The following MAP9 variants were observed in gnomAD, a reference collection of about 807,000 sequenced individuals.
The protein encoded by MAP9 is microtubule associated protein 9, also known as microtubule-associated protein 9.
MAP9 carries 80 observed loss-of-function variants against 75.2 expected under a neutral mutation model. The observed-to-expected ratio is 1.06, with a 90% confidence interval of 0.89 to 1.28. The LOEUF is 1.28. Ranked by LOEUF, MAP9 falls within the 50% of genes most tolerant of loss-of-function variation. The probability of loss-of-function intolerance (pLI) is 0.00; values close to 1 mark genes in which losing one functional copy is unlikely to be tolerated. For synonymous variants in MAP9, 235 were observed against 237.3 expected (o/e 0.99, Z 0.09); for missense variants, 753 against 719.9 (o/e 1.05, Z -0.53).
chr4:155,353,365 GATATAC>G (rs1731611877), intron 10 of MAP9, 25 bp from the exon 11 acceptor site: 1 of 1,524,718 alleles, frequency 6.6e-7, no homozygotes, highest in South Asian at 1.3e-5. Flanking sequence ...ATAATAGAGT[GATATAC>G]ATATATATGT....
rs1441008219 is a variant in MAP9 at position 155,343,437 on chromosome 4, T to C, written c.*4346A>G. ...AACTGGGAACATGGGTGACTTTTGC[T>C]TATTTGCATTTTCTAATTATTTAAT... On this transcript the variant is annotated 3_prime_UTR_variant, in exon 14 of 14. Transcript: ENST00000311277. The C allele has an allele frequency of 2.0e-5, 3 of 151,562 alleles. No individual in the cohort carries two copies. Among genetic ancestry groups the C allele is most frequent in the Non-Finnish European group, 4.4e-5 (3 of 67,736 alleles). 9.4% of individuals were successfully genotyped at this position (151,562 alleles called of 1,614,324 possible).
At position 155,353,317 on chromosome 4, in the gene MAP9, T is replaced by C. The variant is rs535909213; in HGVS notation, c.1404A>G (p.Glu468=). Residue 468 remains glutamate (E), a synonymous_variant, in exon 11 of 14, where the codon GAA becomes GAG. Transcript: ENST00000311277. ...NEQKKAAKRE[E]ALASFEAWKA... is the part of the protein sequence containing the mutation. ...TCCAGGCCTCAAATGATGCTAATGC[T>C]TCTTCTCTTTTAGCAGCTTTTTTCT... 2 of 1,577,150 alleles carry C rather than the reference T, an allele frequency of 1.3e-6. No individual in the cohort carries two copies. The highest frequency in any genetic ancestry group is 2.0e-5 in the Admixed American group (1 of 50,902).
chr4:155,352,652 T>C lies in MAP9; in HGVS notation c.1765A>G (p.Arg589Gly), dbSNP rs765729146. The C allele has an allele frequency of 6.5e-7, 1 of 1,547,924 alleles. No homozygotes were observed. Among genetic ancestry groups the C allele is most frequent in the Non-Finnish European group, 8.8e-7 (1 of 1,134,016 alleles). Residue 589 changes from arginine to glycine, a missense_variant, in exon 13 of 14, where the codon AGA becomes GGA. Arg to Gly is a moderately radical substitution (Grantham distance 125). Transcript: ENST00000311277. ...INEKRKEELK[R>G]AEKKDKDKQA... is the part of the protein sequence containing the mutation. The stretch of plus-strand genomic sequence containing the variant: ...TTATCTTTATCTTTTTTCTCAGCTC[T>C]TTTCAGTTCTTCCTTTCTTTTCTCA...
At chr4:155,364,629 TAA>T (rs1732243300) in intron 5 of MAP9, among the ~76,000 whole-genome samples, 1 of 149,794 alleles carries the variant, frequency 6.7e-6, no homozygotes, top group African/African-American at 2.4e-5. Context: ...TTTAATTTTT[TAA>T]AAGTCTAATA....
chr4:155,368,798 G>C lies in MAP9; in HGVS notation c.496C>G (p.Leu166Val). 1 of 1,604,662 alleles carries C rather than the reference G, an allele frequency of 6.2e-7. No individual in the cohort carries two copies. Among genetic ancestry groups the C allele is most frequent in the South Asian group, 1.1e-5 (1 of 89,010 alleles). ...GGTTTAAAGTGATCATCTGTGTCAA[G>C]GCTGTTGTTTTCTGCTGAAAAATAA... ...KSTSSAENNS[L>V]DTDDHFKPSP... is the part of the protein sequence containing the mutation. The change falls in exon 5 of 14, where the codon CTT becomes GTT. Residue 166 changes from leucine (L) to valine (V), a missense_variant. Coordinates refer to ENST00000311277, the MANE Select transcript of MAP9 (RefSeq NM_001039580.2).
chr4:155,365,639 T>C (rs1304157566), intron 5 of MAP9, among the ~76,000 whole-genome samples: 1 of 152,040 alleles, frequency 6.6e-6, no homozygotes, highest in South Asian at 2.1e-4. Context: ...TTTTAAAAAT[T>C]TGAAATCATG....
intron 8 of MAP9, among the ~76,000 whole-genome samples, chr4:155,356,881 A>T (rs1396210088): frequency 6.6e-6 from 1 of 152,172 alleles, no homozygotes; most frequent in African/African-American, 2.4e-5. Context: ...AAAGATTCAG[A>T]AGGTTTTTGA....
intron 5 of MAP9, among the ~76,000 whole-genome samples, chr4:155,366,854 C>T (rs1002512446): frequency 2.9e-4 from 44 of 152,156 alleles, no homozygotes; most frequent in African/African-American, 1.0e-3. Context: ...GATAATTGTA[C>T]TGGTGAATCC....
chr4:155,362,093 C>T lies in MAP9; in HGVS notation c.757G>A (p.Gly253Arg), dbSNP rs535143534. The change falls in exon 6 of 14, where the codon GGA (glycine) becomes AGA (arginine). Residue 253 changes from glycine to arginine, a missense_variant. Gly to Arg is a moderately radical substitution (Grantham distance 125). Coordinates refer to ENST00000311277, the MANE Select transcript of MAP9 (RefSeq NM_001039580.2). ...TCAGATCCTGGTGAAAAAGAATCTC[C>T]AAGAATTTGTTTAAGTGATGATGAT... ...LASSSLKQILGDSFSPGSEGN... is the reference protein window; with the variant it reads ...LASSSLKQILRDSFSPGSEGN... 9 of 1,598,396 alleles carry T rather than the reference C, an allele frequency of 5.6e-6. No individual in the cohort carries two copies. Among genetic ancestry groups the T allele is most frequent in the Admixed American group, 5.4e-5 (3 of 55,504 alleles).
intron 4 of MAP9, among the ~76,000 whole-genome samples, chr4:155,371,716 GTT>G (rs1233164858): frequency 7.2e-6 from 1 of 139,552 alleles, no homozygotes. Context: ...CCCACCACAG[GTT>G]TTTTTTTTTT....
At chr4:155,373,522 T>A in intron 3 of MAP9, 66 bp from the exon 4 acceptor site, 1 of 1,079,508 alleles carries the variant, frequency 9.3e-7, no homozygotes. Flanking sequence ...TACGTTAACT[T>A]AATCAAAGTT....
At position 155,345,193 on chromosome 4, in the gene MAP9, C is replaced by T. The variant is rs971090065; in HGVS notation, c.*2590G>A. ...TAAACAACAGTACTGTATTTTCACC[C>T]ACCTCCCCGAACTCAGCTTTATTTG... On this transcript the variant is annotated 3_prime_UTR_variant, in exon 14 of 14. Transcript: ENST00000311277. 4 of 151,962 alleles carry T rather than the reference C, an allele frequency of 2.6e-5. No individual in the cohort carries two copies. Among genetic ancestry groups the T allele is most frequent in the South Asian group, 4.1e-4 (2 of 4,834 alleles). 9.4% of individuals were successfully genotyped at this position (151,962 alleles called of 1,614,324 possible). A position where few individuals can be genotyped will look rare whatever the true frequency, so the allele number is the denominator to read the frequency against.
chr4:155,353,361 G>C (rs1338432839), intron 10 of MAP9, 21 bp from the exon 11 acceptor site: 19 of 1,542,614 alleles, frequency 1.2e-5, no homozygotes, highest in Non-Finnish European at 1.6e-5. Context: ...AAAAATAATA[G>C]AGTGATATAC....
intron 5 of MAP9, chr4:155,362,706 C>T (rs564681077): frequency 6.6e-6 from 1 of 152,310 alleles, no homozygotes; most frequent in South Asian, 2.1e-4. Flanking sequence ...TTATATTTGT[C>T]TATCTAAGGT....
Position 155,369,629 on chromosome 4 carries a change from T to C in MAP9, c.482-817A>G, listed in dbSNP as rs969154931. ...TGTCCAGGTACTTTACAGGTTGATT[T>C]TTCTAAACAAAATTACAAGACTAGA... On this transcript the variant is annotated intron_variant, in intron 4 of 13. Transcript: ENST00000311277. 7.2e-4 allele frequency among the ~76,000 whole-genome samples: 110 copies of C among 152,222 alleles called. 1 individual carries two copies. The highest frequency in any genetic ancestry group is 3.4e-3 in the Middle Eastern group (1 of 294).
intron 4 of MAP9, among the ~76,000 whole-genome samples, chr4:155,370,327 C>A: frequency 6.6e-6 from 1 of 152,208 alleles, no homozygotes; most frequent in East Asian, 1.9e-4. Flanking sequence ...CAAAATTATT[C>A]AATGGCTCCC....
intron 5 of MAP9, chr4:155,363,280 T>C (rs1212839164): frequency 6.6e-6 from 1 of 152,086 alleles, no homozygotes; most frequent in East Asian, 1.9e-4. Flanking sequence ...AGCCATGATA[T>C]CCACTTGCTA....
chr4:155,359,621 T>C (rs756577240), intron 7 of MAP9, among the ~76,000 whole-genome samples: 2 of 151,950 alleles, frequency 1.3e-5, no homozygotes, highest in Non-Finnish European at 2.9e-5. Context: ...CCTCTGGAGG[T>C]TGCCAGGGCA....
rs1041440546 is a variant in MAP9, at chr4:155,362,065, C to T, written c.785G>A (p.Gly262Glu). ...LGDSFSPGSE[G>E]NASGKDPNEE... ...ATAACCACCTTTTCCAGATGCGTTT[C>T]CCTCAGATCCTGGTGAAAAAGAATC... The change falls in exon 6 of 14, where the codon GGA (glycine) becomes GAA (glutamate). Residue 262 changes from glycine to glutamate, a missense_variant. Transcript: ENST00000311277. 9.4e-6 allele frequency: 15 copies of T among 1,598,092 alleles called. No homozygotes were observed. The highest frequency in any genetic ancestry group is 1.4e-5 in the African/African-American group (1 of 74,022).
Sources: allele counts gnomAD v4.1 joint callset (sites outside exome capture counted in the v4.1 genomes callset), GRCh38; gene constraint gnomAD v4.1.1; transcripts MANE v1.5; gene names NCBI Gene and HGNC (gene_info 2026-07-23, HGNC 2026-07-21).